PCCA: variants seen among roughly 807,000 people sequenced by gnomAD.
The protein encoded by PCCA is propionyl-CoA carboxylase subunit alpha.
A neutral mutation model predicts 101.3 loss-of-function variants in PCCA; 74 were observed. The ratio of observed to expected loss-of-function variants is 0.73; its 90% confidence interval spans 0.61 to 0.89. PCCA has a LOEUF of 0.89. Among genes scored for constraint, PCCA ranks in the 40% least tolerant of loss-of-function variants. The pLI, the probability that PCCA is intolerant of heterozygous loss-of-function variation, is 0.00. For synonymous variants in PCCA, 294 were observed against 313.6 expected (o/e 0.94, Z 0.66); for missense variants, 891 against 907.0 (o/e 0.98, Z 0.23).
chr13:100,315,460 G>A (rs1595284036), intron 16 of PCCA, among the ~76,000 whole-genome samples: 2 of 152,144 alleles, frequency 1.3e-5, no homozygotes, highest in Non-Finnish European at 2.9e-5. Context: ...TTTATGAAAG[G>A]CAGAAAAGGG....
intron 4 of PCCA, among the ~76,000 whole-genome samples, chr13:100,140,255 G>GA (rs993328974): frequency 2.0e-5 from 3 of 152,178 alleles, no homozygotes; most frequent in Non-Finnish European, 2.9e-5. Flanking sequence ...AGAGAGAGCA[G>GA]AAAAAACCTT....
chr13:100,293,953 T>C (rs2065323044), intron 12 of PCCA, among the ~76,000 whole-genome samples: 1 of 152,220 alleles, frequency 6.6e-6, no homozygotes, highest in African/African-American at 2.4e-5. Flanking sequence ...TGTTTAACTT[T>C]TTAAAACTGG....
chr13:100,434,335 T>C (rs2079774093), intron 20 of PCCA, among the ~76,000 whole-genome samples: 1 of 152,234 alleles, frequency 6.6e-6, no homozygotes, highest in South Asian at 2.1e-4. Context: ...AGGTTACTTC[T>C]GAGGCCTTCT....
At chr13:100,090,187 T>C (rs1489435500) in intron 1 of PCCA, among the ~76,000 whole-genome samples, 2 of 152,234 alleles carry the variant, frequency 1.3e-5, no homozygotes, top group African/African-American at 4.8e-5. Flanking sequence ...AGAGACGACC[T>C]GCCCCATCCT....
At chr13:100,291,892 T>TC (rs1269184219) in intron 12 of PCCA, among the ~76,000 whole-genome samples, 2 of 152,226 alleles carry the variant, frequency 1.3e-5, no homozygotes, top group Non-Finnish European at 2.9e-5. Context: ...TTCACATTCT[T>TC]CCCTAGAGTT....
At chr13:100,479,842 T>C (rs1422056289) in intron 21 of PCCA, 1 of 152,056 alleles carries the variant, frequency 6.6e-6, no homozygotes, top group Non-Finnish European at 1.5e-5. Flanking sequence ...ATGGCAAGGG[T>C]CTTTAACTGT....
chr13:100,119,436 A>G (rs1451724222), intron 4 of PCCA, among the ~76,000 whole-genome samples: 1 of 152,138 alleles, frequency 6.6e-6, no homozygotes. Context: ...ATTTGTTTCC[A>G]TCACACCCTC....
chr13:100,495,942 G>T (rs1210645201), intron 21 of PCCA, among the ~76,000 whole-genome samples: 1 of 151,400 alleles, frequency 6.6e-6, no homozygotes, highest in Non-Finnish European at 1.5e-5. Context: ...TTTTATCAGG[G>T]TTGATTTATT....
At chr13:100,491,819 C>T in intron 21 of PCCA, 1 of 1,026,070 alleles carries the variant, frequency 9.7e-7, no homozygotes, top group African/African-American at 1.7e-5. Context: ...ATTTTGGTCC[C>T]TTTTTTTCTC....
intron 19 of PCCA, among the ~76,000 whole-genome samples, chr13:100,399,424 A>C (rs1173105511): frequency 6.6e-6 from 1 of 152,220 alleles, no homozygotes; most frequent in Non-Finnish European, 1.5e-5. Flanking sequence ...CTTAAAAGAA[A>C]TATAAACTAA....
At chr13:100,201,528 T>G (rs2058491443) in intron 6 of PCCA, among the ~76,000 whole-genome samples, 1 of 152,000 alleles carries the variant, frequency 6.6e-6, no homozygotes, top group African/African-American at 2.4e-5. Context: ...CCCCCAATAA[T>G]TAGTAAAATC....
chr13:100,423,789 G>C (rs2078972854), intron 19 of PCCA, among the ~76,000 whole-genome samples: 1 of 152,216 alleles, frequency 6.6e-6, no homozygotes, highest in African/African-American at 2.4e-5. Context: ...AGCTTCTGCT[G>C]AGGTGAGGTC....
intron 2 of PCCA, among the ~76,000 whole-genome samples, chr13:100,107,744 C>G (rs775792838): frequency 6.6e-6 from 1 of 152,172 alleles, no homozygotes; most frequent in Non-Finnish European, 1.5e-5. Context: ...ATTATCAGAA[C>G]TGACTTCGTG....
chr13:100,107,005 C>T (rs191252304), intron 2 of PCCA, among the ~76,000 whole-genome samples: 3 of 152,292 alleles, frequency 2.0e-5, no homozygotes, highest in Admixed American at 2.0e-4. Context: ...TTTCTCCTTC[C>T]CGGATTCCTG....
At chr13:100,503,539 A>G (rs2085843002) in intron 21 of PCCA, among the ~76,000 whole-genome samples, 2 of 152,054 alleles carry the variant, frequency 1.3e-5, no homozygotes, top group Admixed American at 6.5e-5. Context: ...TGTATTAAAC[A>G]TCTTGTGTTT....
intron 7 of PCCA, among the ~76,000 whole-genome samples, chr13:100,224,904 A>G (rs917330809): frequency 2.6e-5 from 4 of 152,226 alleles, no homozygotes; most frequent in Non-Finnish European, 5.9e-5. Context: ...GAGGGGCTGC[A>G]GTTAGAAAGG....
intron 12 of PCCA, among the ~76,000 whole-genome samples, chr13:100,285,678 C>T (rs909563203): frequency 5.3e-5 from 8 of 152,270 alleles, no homozygotes; most frequent in South Asian, 2.1e-4. Context: ...CAAATACGCA[C>T]GTGTGTGGCC....
intron 7 of PCCA, among the ~76,000 whole-genome samples, chr13:100,224,630 C>T (rs2060040078): frequency 6.6e-6 from 1 of 152,244 alleles, no homozygotes; most frequent in South Asian, 2.1e-4. Flanking sequence ...AGTATTCAGG[C>T]AATTGACTAC....
intron 8 of PCCA, among the ~76,000 whole-genome samples, chr13:100,250,003 T>G (rs1232778907): frequency 6.6e-6 from 1 of 152,236 alleles, no homozygotes; most frequent in African/African-American, 2.4e-5. Context: ...GACAGTCATC[T>G]TATCCACTAG....
Sources: gnomAD v4.1 joint callset for allele counts (sites outside exome capture counted in the v4.1 genomes callset) on GRCh38, gnomAD v4.1.1 for gene constraint, MANE v1.5 for transcripts, NCBI Gene and HGNC (gene_info 2026-07-23, HGNC 2026-07-21) for gene names.